The following VPS50 variants were observed in gnomAD, a reference collection of about 807,000 sequenced individuals.
VPS50 encodes VPS50 subunit of EARP/GARPII complex.
In VPS50, 70 loss-of-function variants were observed where a neutral mutation model predicts 139.7. That is an observed-to-expected ratio of 0.50 (90% CI 0.41 to 0.61). The LOEUF is 0.61. VPS50 is among the 20% of genes least tolerant of loss of function. The pLI, the probability that VPS50 is intolerant of heterozygous loss-of-function variation, is 0.00. For missense variants in VPS50, 921 were observed against 1,133.7 expected (o/e 0.81, Z 2.69); for synonymous variants, 365 against 376.7 (o/e 0.97, Z 0.36).
At chr7:93,330,135 G>A (rs928196593) in intron 21 of VPS50, among the ~76,000 whole-genome samples, 3 of 152,114 alleles carry the variant, frequency 2.0e-5, no homozygotes, top group African/African-American at 7.2e-5. Context: ...AGTATGTGGG[G>A]GGTTATGATG....
At chr7:93,277,874 T>C (rs1424428096) in intron 12 of VPS50, among the ~76,000 whole-genome samples, 1 of 152,128 alleles carries the variant, frequency 6.6e-6, no homozygotes, top group Admixed American at 6.5e-5. Context: ...GTATATATTA[T>C]AAAATTACCC....
chr7:93,303,553 A>T lies in VPS50; in HGVS notation c.1452+3A>T. The T allele has an allele frequency of 7.1e-7, 1 of 1,408,614 alleles. No homozygotes were observed. Among genetic ancestry groups the T allele is most frequent in the Non-Finnish European group, 9.9e-7 (1 of 1,006,786 alleles). 87.3% of individuals were successfully genotyped at this position (1,408,614 alleles called of 1,614,324 possible). On this transcript the variant is annotated splice_donor_region_variant and intron_variant, in intron 17 of 27. Transcript: ENST00000305866. ...ATTTCAGCATCTTGCAACTTCATGT[A>T]AGTGTTTCTTAAGAACAAAGAAATC... is the stretch of plus-strand genomic sequence containing the variant.
In VPS50 at chr7:93,360,620, A is replaced by G. The variant is rs1207122580; in HGVS notation, c.*2184A>G. 2.0e-5 allele frequency: 3 copies of G among 152,084 alleles called. No individual in the cohort carries two copies. Among genetic ancestry groups the G allele is most frequent in the African/African-American group, 7.2e-5 (3 of 41,440 alleles). The allele number at this position is 152,084 out of a possible 1,614,324, so 9.4% of individuals were successfully genotyped here. A position where few individuals can be genotyped will look rare whatever the true frequency, so the allele number is the denominator to read the frequency against. On this transcript the variant is annotated 3_prime_UTR_variant, in exon 28 of 28. Coordinates refer to ENST00000305866, the MANE Select transcript of VPS50 (RefSeq NM_017667.4). ...AATACAATTGAAAAGCTGAGAATGTAAATGGAATTATACGTGTTCCAAAAA... is the reference window on the plus strand; with the variant it reads ...AATACAATTGAAAAGCTGAGAATGTGAATGGAATTATACGTGTTCCAAAAA...
chr7:93,313,024 A>G (rs1332287865), intron 20 of VPS50, among the ~76,000 whole-genome samples: 1 of 152,200 alleles, frequency 6.6e-6, no homozygotes, highest in Middle Eastern at 3.2e-3. Context: ...CACTCGTGAT[A>G]CGCATTGTCT....
At chr7:93,333,541 GTCTTAT>G (rs1797993285) in intron 21 of VPS50, among the ~76,000 whole-genome samples, 1 of 151,994 alleles carries the variant, frequency 6.6e-6, no homozygotes, top group South Asian at 2.1e-4. Flanking sequence ...GGCTTTTCAT[GTCTTAT>G]TCTTACCCTT....
rs78030975 is a variant in VPS50 at position 93,286,993 on chromosome 7, GTTT to G, written c.943-4696_943-4694del. 8.2e-3 allele frequency among the ~76,000 whole-genome samples: 1,015 copies of G among 123,772 alleles called. 9 individuals are homozygous for G. Among genetic ancestry groups the G allele is most frequent in the African/African-American group, 0.023 (826 of 36,224 alleles). The allele number at this position is 123,772 out of a possible 152,430, so 81.2% of individuals were successfully genotyped here. On this transcript the variant is annotated intron_variant, in intron 12 of 27. Coordinates refer to ENST00000305866, the MANE Select transcript of VPS50 (RefSeq NM_017667.4). ...TGGGCTTAAATTTGTTGAAAACGTTGTTTTTTTTTTTTTTTTAAAAAAAAAACT... is the reference window on the plus strand; with the variant it reads ...TGGGCTTAAATTTGTTGAAAACGTTGTTTTTTTTTTTTTAAAAAAAAAACT...
At chr7:93,328,012 A>G (rs1797830585) in intron 21 of VPS50, among the ~76,000 whole-genome samples, 1 of 152,214 alleles carries the variant, frequency 6.6e-6, no homozygotes, top group Non-Finnish European at 1.5e-5. Flanking sequence ...CAGTATATAC[A>G]TTAGTTCAAA....
At chr7:93,314,395 C>G (rs1797360866) in intron 20 of VPS50, among the ~76,000 whole-genome samples, 1 of 152,142 alleles carries the variant, frequency 6.6e-6, no homozygotes, top group Admixed American at 6.5e-5. Context: ...TAGAAAGGCT[C>G]AGGGAGGCTT....
chr7:93,284,455 GA>G (rs1221312556), intron 12 of VPS50, among the ~76,000 whole-genome samples: 1 of 152,102 alleles, frequency 6.6e-6, no homozygotes, highest in African/African-American at 2.4e-5. Context: ...GCCAACTAAA[GA>G]AGAACTTTTT....
At chr7:93,276,336 T>G (rs372559494) in intron 12 of VPS50, 31 bp downstream of exon 12, 31 of 1,575,618 alleles carry the variant, frequency 2.0e-5, no homozygotes, top group Non-Finnish European at 2.6e-5. Flanking sequence ...TATTCATATA[T>G]CTCTCCTTTA....
At chr7:93,305,690 T>G in intron 17 of VPS50, 138 bp from the exon 18 acceptor site, 1 of 672,936 alleles carries the variant, frequency 1.5e-6, no homozygotes, top group Non-Finnish European at 2.6e-6. Flanking sequence ...TTAGATAACT[T>G]GAAAGATTTA....
chr7:93,325,773 C>T (rs34689336), intron 21 of VPS50, among the ~76,000 whole-genome samples: 3,000 of 151,096 alleles, frequency 0.02, 54 homozygotes, highest in South Asian at 0.03. Flanking sequence ...GTTAGAATGG[C>T]AATCATTAAA....
chr7:93,276,899 C>G (rs1244584017), intron 12 of VPS50, among the ~76,000 whole-genome samples: 1 of 152,056 alleles, frequency 6.6e-6, no homozygotes, highest in Non-Finnish European at 1.5e-5. Flanking sequence ...TGGGAAGGAA[C>G]AGGACTTTGG....
chr7:93,253,570 G>T (rs1378221446), intron 3 of VPS50, among the ~76,000 whole-genome samples: 1 of 152,176 alleles, frequency 6.6e-6, no homozygotes, highest in East Asian at 1.9e-4. Flanking sequence ...GTCGGCCTAG[G>T]GTCCAGAGTC....
Position 93,355,906 on chromosome 7 carries a change from G to T in VPS50, c.2601G>T (p.Lys867Asn). 1 of 1,572,800 alleles carries T rather than the reference G, an allele frequency of 6.4e-7. No homozygotes were observed. Among genetic ancestry groups the T allele is most frequent in the South Asian group, 1.2e-5 (1 of 84,260 alleles). Reference sequence around the variant, plus strand: ...TGCATCTTAGATATGCCAATGTCAAGAAATGCAGTAATGAGGGTCGTGCCC... The same window carrying T: ...TGCATCTTAGATATGCCAATGTCAATAAATGCAGTAATGAGGGTCGTGCCC... ...RTIVEGYANV[K>N]KCSNEGRALM... Residue 867 changes from lysine to asparagine, a missense_variant, in exon 27 of 28, where the codon AAG becomes AAT. This residue lies in a region of VPS50 where 158 missense variants were observed against 156.3 expected (regional missense o/e 1.01). Coordinates refer to ENST00000305866, the MANE Select transcript of VPS50 (RefSeq NM_017667.4).
In VPS50 at chr7:93,256,580, AT is replaced by A; in HGVS notation, c.351+24del. ...ATGTAAAGGTAGGATAATATTTGTT[AT>A]TTTTTGTAGTAGAATTTTTAAATGT... On this transcript the variant is annotated intron_variant, in intron 5 of 27. Transcript: ENST00000305866. 1 of 1,354,838 alleles carries A rather than the reference AT, an allele frequency of 7.4e-7. No homozygotes were observed. The highest frequency in any genetic ancestry group is 1.0e-6 in the Non-Finnish European group (1 of 988,572). The allele number at this position is 1,354,838 out of a possible 1,614,324, so 83.9% of individuals were successfully genotyped here.
intron 2 of VPS50, among the ~76,000 whole-genome samples, chr7:93,250,918 A>G (rs770317721): frequency 5.9e-5 from 9 of 152,090 alleles, no homozygotes; most frequent in Non-Finnish European, 1.3e-4. Flanking sequence ...GCCAACAAAC[A>G]TATGAAAAAA....
At chr7:93,316,944 T>C (rs569617573) in intron 20 of VPS50, among the ~76,000 whole-genome samples, 1 of 152,320 alleles carries the variant, frequency 6.6e-6, no homozygotes, top group East Asian at 1.9e-4. Flanking sequence ...TCTACTATCC[T>C]TCCTACCCAC....
chr7:93,279,651 A>C lies in VPS50; in HGVS notation c.942+3346A>C, dbSNP rs1255389923. Among the ~76,000 whole-genome samples the C allele has an allele frequency of 2.0e-5, 3 of 152,360 alleles. No individual in the cohort carries two copies. In the East Asian group the frequency reaches 5.8e-4, roughly 29 times the overall value. The stretch of plus-strand genomic sequence containing the variant: ...GTGGGGCATCAGGTGAGCAAGAAGC[A>C]GGAGAGTCCTCAAAACATGTGCAGG... On this transcript the variant is annotated intron_variant, in intron 12 of 27. Coordinates refer to ENST00000305866, the MANE Select transcript of VPS50 (RefSeq NM_017667.4).
Sources: gnomAD v4.1 joint callset for allele counts (sites outside exome capture counted in the v4.1 genomes callset) on GRCh38, gnomAD v4.1.1 for gene constraint, gnomAD v4.1.1 regional missense constraint, MANE v1.5 for transcripts, NCBI Gene and HGNC (gene_info 2026-07-23, HGNC 2026-07-21) for gene names.